The following SHANK2 variants were observed in gnomAD, a reference collection of about 807,000 sequenced individuals.
SHANK2 encodes SH3 and multiple ankyrin repeat domains 2, also known as SH3 and multiple ankyrin repeat domains protein 2.
Under a neutral mutation model 133.7 loss-of-function variants are expected in SHANK2, and 43 were observed. That is an observed-to-expected ratio of 0.32 (90% CI 0.25 to 0.41). SHANK2 has a LOEUF of 0.41. Ranked by LOEUF, SHANK2 falls within the 10% of genes least tolerant of loss-of-function variation. The pLI is 1.00. For synonymous variants in SHANK2, 1,017 were observed against 952.8 expected (o/e 1.07, Z -1.24); for missense variants, 1,994 against 2,235.8 (o/e 0.89, Z 2.18).
intron 17 of SHANK2, among the ~76,000 whole-genome samples, chr11:70,602,829 T>C (rs1388968696): frequency 6.6e-6 from 1 of 152,236 alleles, no homozygotes; most frequent in Non-Finnish European, 1.5e-5. Context: ...AATACATGCA[T>C]GATGTATGTT....
chr11:71,108,059 G>GGCTGCC (rs1951828091), intron 6 of SHANK2, among the ~76,000 whole-genome samples: 1 of 152,210 alleles, frequency 6.6e-6, no homozygotes, highest in Non-Finnish European at 1.5e-5. Flanking sequence ...CACGGCCAAA[G>GGCTGCC]GCTGCCTCCA....
rs1410583570 is a variant in SHANK2 at position 70,860,536 on chromosome 11, G to A, written c.1174+35965C>T. Among the ~76,000 whole-genome samples, 7 of 152,338 alleles carry A rather than the reference G, an allele frequency of 4.6e-5. No individual in the cohort carries two copies. In the East Asian group the frequency reaches 1.2e-3, roughly 25 times the overall value. On this transcript the variant is annotated intron_variant, in intron 11 of 25. Coordinates refer to ENST00000601538, the MANE Select transcript of SHANK2 (RefSeq NM_012309.5). ...CCCGATGTGTGCAGTGGGAGACTGC[G>A]AGGTCCCCAGGGACTGGGACTCAGT...
intron 10 of SHANK2, among the ~76,000 whole-genome samples, chr11:70,949,575 G>A (rs541128026): frequency 6.6e-6 from 1 of 152,228 alleles, no homozygotes; most frequent in East Asian, 1.9e-4. Flanking sequence ...AACCCACAGG[G>A]TGACCTGGGC....
intron 10 of SHANK2, among the ~76,000 whole-genome samples, chr11:70,927,037 G>A (rs1218904208): frequency 6.6e-6 from 1 of 152,074 alleles, no homozygotes; most frequent in Non-Finnish European, 1.5e-5. Context: ...CAGAATCTCT[G>A]CCGCACGACG....
intron 5 of SHANK2, among the ~76,000 whole-genome samples, chr11:71,110,651 C>G (rs1284999102): frequency 6.6e-6 from 1 of 152,144 alleles, no homozygotes; most frequent in East Asian, 1.9e-4. Context: ...CTGGTGCACT[C>G]GGGAGACCCA....
intron 17 of SHANK2, among the ~76,000 whole-genome samples, chr11:70,504,193 G>A (rs1018190541): frequency 1.5e-4 from 23 of 152,344 alleles, no homozygotes; most frequent in South Asian, 2.1e-4. Flanking sequence ...ATATCCTCCT[G>A]CTATAGATTC....
intron 1 of SHANK2, among the ~76,000 whole-genome samples, chr11:71,247,671 G>C (rs891599368): frequency 1.3e-5 from 2 of 152,098 alleles, no homozygotes; most frequent in Non-Finnish European, 2.9e-5. Flanking sequence ...CTCTCCCTCT[G>C]GGGGAGCTCC....
intron 9 of SHANK2, among the ~76,000 whole-genome samples, chr11:71,069,707 C>A (rs1323560926): frequency 2.0e-5 from 3 of 152,210 alleles, no homozygotes; most frequent in Non-Finnish European, 4.4e-5. Context: ...GACAGCATAG[C>A]AAGGCAAGGC....
chr11:71,091,332 G>A (rs1458017370), intron 8 of SHANK2, among the ~76,000 whole-genome samples: 1 of 152,150 alleles, frequency 6.6e-6, no homozygotes, highest in Non-Finnish European at 1.5e-5. Flanking sequence ...AACTGACCTA[G>A]CACAAGAAAG....
At chr11:70,667,029 G>A (rs932500150) in intron 15 of SHANK2, among the ~76,000 whole-genome samples, 3 of 152,070 alleles carry the variant, frequency 2.0e-5, no homozygotes, top group Non-Finnish European at 4.4e-5. Context: ...AAGTACAGCT[G>A]TGCAGGTTGT....
chr11:70,742,283 C>G (rs942166708), intron 14 of SHANK2, among the ~76,000 whole-genome samples: 2 of 152,188 alleles, frequency 1.3e-5, no homozygotes, highest in Non-Finnish European at 2.9e-5. Flanking sequence ...CCCAGGTGGA[C>G]TGTTGCGCAC....
At chr11:70,755,992 G>A (rs1307321891) in intron 14 of SHANK2, among the ~76,000 whole-genome samples, 1 of 152,122 alleles carries the variant, frequency 6.6e-6, no homozygotes, top group African/African-American at 2.4e-5. Context: ...CCGCTTCACC[G>A]AGCCCCGGAC....
chr11:70,476,176 T>C (rs146437296), intron 25 of SHANK2, among the ~76,000 whole-genome samples: 4,014 of 152,126 alleles, frequency 0.026, 81 homozygotes, highest in South Asian at 0.076. Context: ...TGCAGTGAGC[T>C]GAGATCGTGC....
At chr11:70,671,004 C>T (rs963536442) in intron 15 of SHANK2, among the ~76,000 whole-genome samples, 1 of 152,332 alleles carries the variant, frequency 6.6e-6, no homozygotes, top group Non-Finnish European at 1.5e-5. Flanking sequence ...AACGCCCTGC[C>T]CGGCGCTTAT....
At chr11:70,570,976 T>C (rs2060038342) in intron 17 of SHANK2, among the ~76,000 whole-genome samples, 1 of 152,154 alleles carries the variant, frequency 6.6e-6, no homozygotes, top group Non-Finnish European at 1.5e-5. Context: ...GTCAAAGCAC[T>C]CCTGTGCGGT....
chr11:71,168,720 C>T (rs1953243508), intron 2 of SHANK2, among the ~76,000 whole-genome samples: 1 of 152,110 alleles, frequency 6.6e-6, no homozygotes, highest in Admixed American at 6.5e-5. Flanking sequence ...AGGCAGTCAG[C>T]AGGCTGAGGC....
intron 6 of SHANK2, among the ~76,000 whole-genome samples, chr11:71,095,919 G>A (rs1420133731): frequency 6.8e-6 from 1 of 147,972 alleles, no homozygotes; most frequent in African/African-American, 2.5e-5. Flanking sequence ...TCCCCAACTA[G>A]GATGCTGTGT....
chr11:70,488,487 A>G (rs1302462778), intron 24 of SHANK2, among the ~76,000 whole-genome samples: 2 of 152,128 alleles, frequency 1.3e-5, no homozygotes, highest in African/African-American at 2.4e-5. Context: ...TAAGGGTTCT[A>G]TGTGTCCTCG....
At chr11:70,709,518 CAT>C (rs1945734206) in intron 14 of SHANK2, among the ~76,000 whole-genome samples, 1 of 152,222 alleles carries the variant, frequency 6.6e-6, no homozygotes, top group Admixed American at 6.5e-5. Context: ...GGGGAAATAT[CAT>C]ATGTCAGCTA....
Sources: allele counts gnomAD v4.1 joint callset (sites outside exome capture counted in the v4.1 genomes callset), GRCh38; gene constraint gnomAD v4.1.1; transcripts MANE v1.5; gene names NCBI Gene and HGNC (gene_info 2026-07-23, HGNC 2026-07-21).